BMP2K: variants seen among roughly 807,000 people sequenced by gnomAD.
BMP2K encodes BMP-2-inducible protein kinase.
In BMP2K, 74 loss-of-function variants were observed where a neutral mutation model predicts 116.0. The ratio of observed to expected loss-of-function variants is 0.64; its 90% CI spans 0.53 to 0.77. The LOEUF is 0.77. Among genes scored for constraint, BMP2K ranks in the 30% least tolerant of loss-of-function variants. The pLI is 0.00. For missense variants in BMP2K, 1,365 were observed against 1,403.6 expected (o/e 0.97, Z 0.44); for synonymous variants, 486 against 502.5 (o/e 0.97, Z 0.44).
intron 1 of BMP2K, among the ~76,000 whole-genome samples, chr4:78,807,793 C>G (rs1004231346): frequency 6.6e-6 from 1 of 151,856 alleles, no homozygotes. Context: ...AATTTGTTGG[C>G]ATAAAATTAT....
chr4:78,826,109 A>C lies in BMP2K; in HGVS notation c.251A>C (p.Asn84Thr). 6.2e-7 allele frequency: 1 copy of C among 1,614,200 alleles called. No homozygotes were observed. Among genetic ancestry groups the C allele is most frequent in the Non-Finnish European group, 8.5e-7 (1 of 1,180,004 alleles). ...IRCALKRMYV[N>T]NMPDLNVCKR... The stretch of plus-strand genomic sequence containing the variant: ...TGTGCATTGAAGCGAATGTATGTCA[A>C]TAACATGCCAGACCTCAATGTTTGT... The change falls in exon 2 of 16, where the codon AAT (asparagine) becomes ACT (threonine). Residue 84 changes from asparagine to threonine, a missense_variant. By Grantham distance (65) the Asn-to-Thr change is moderately conservative (BLOSUM62 0). Coordinates refer to ENST00000502613, the MANE Select transcript of BMP2K (RefSeq NM_198892.2).
At chr4:78,907,256 A>G (rs1734332051) in intron 15 of BMP2K, among the ~76,000 whole-genome samples, 1 of 152,226 alleles carries the variant, frequency 6.6e-6, no homozygotes, top group South Asian at 2.1e-4. Flanking sequence ...GTGTATTTCT[A>G]TTAATACAAC....
At chr4:78,825,991 A>T in intron 1 of BMP2K, 46 bp from the exon 2 acceptor site, 1 of 1,382,394 alleles carries the variant, frequency 7.2e-7, no homozygotes, top group Non-Finnish European at 1.0e-6. Flanking sequence ...TGATTTTGGC[A>T]TTTGTTTTTG....
chr4:78,873,511 G>A (rs1426157728), intron 13 of BMP2K, among the ~76,000 whole-genome samples: 1 of 152,192 alleles, frequency 6.6e-6, no homozygotes, highest in Non-Finnish European at 1.5e-5. Context: ...TGCTGTTTAA[G>A]GATTTGAAAC....
chr4:78,876,988 G>A (rs1444866234), intron 13 of BMP2K, among the ~76,000 whole-genome samples: 1 of 151,914 alleles, frequency 6.6e-6, no homozygotes, highest in Non-Finnish European at 1.5e-5. Flanking sequence ...GTAACAGAAT[G>A]GTAAGTATTT....
chr4:78,807,716 A>T (rs144204131), intron 1 of BMP2K, among the ~76,000 whole-genome samples: 1 of 150,884 alleles, frequency 6.6e-6, no homozygotes, highest in African/African-American at 2.4e-5. Flanking sequence ...AAAATTATTA[A>T]CCCTATAATT....
At chr4:78,800,969 C>A (rs566100432) in intron 1 of BMP2K, among the ~76,000 whole-genome samples, 1 of 152,230 alleles carries the variant, frequency 6.6e-6, no homozygotes, top group South Asian at 2.1e-4. Context: ...ATTTTCTGTT[C>A]ACCCTAATAG....
Position 78,776,646 on chromosome 4 carries a change from G to A in BMP2K, c.103G>A (p.Gly35Ser). 5 of 1,222,696 alleles carry A rather than the reference G, an allele frequency of 4.1e-6. No homozygotes were observed. Among genetic ancestry groups the A allele is most frequent in the Non-Finnish European group, 5.1e-6 (5 of 978,072 alleles). The allele number at this position is 1,222,696 out of a possible 1,614,324, so 75.7% of individuals were successfully genotyped here. A position where few individuals can be genotyped will look rare whatever the true frequency, so the allele number is the denominator to read the frequency against. The change falls in exon 1 of 16, where the codon GGC (glycine) becomes AGC (serine). Residue 35 changes from glycine (G) to serine (S), a missense_variant. Physicochemically the swap from Gly to Ser is moderately conservative, Grantham distance 56 (BLOSUM62 0). Transcript: ENST00000502613. ...CGGGGCCGGGGCCGGCTGCGGCTCC[G>A]GCGGCTCGTCCGTGGGGGTCCGGGT... is the stretch of plus-strand genomic sequence containing the variant. ...GAGAGAGCGS[G>S]GSSVGVRVFA...
At chr4:78,784,242 T>A (rs1727635691) in intron 1 of BMP2K, among the ~76,000 whole-genome samples, 1 of 152,238 alleles carries the variant, frequency 6.6e-6, no homozygotes, top group African/African-American at 2.4e-5. Flanking sequence ...TCAAAATGAT[T>A]AAAGCCTTGA....
chr4:78,784,278 T>C (rs1025024833), intron 1 of BMP2K, among the ~76,000 whole-genome samples: 2 of 152,244 alleles, frequency 1.3e-5, no homozygotes, highest in African/African-American at 2.4e-5. Flanking sequence ...TTAAGAGTCT[T>C]GAACTACCAT....
At chr4:78,810,256 C>A (rs1160604555) in intron 1 of BMP2K, among the ~76,000 whole-genome samples, 1 of 152,112 alleles carries the variant, frequency 6.6e-6, no homozygotes, top group African/African-American at 2.4e-5. Flanking sequence ...TTTTGCAGAG[C>A]CTTAAAGACA....
chr4:78,887,123 A>T (rs1733136357), intron 14 of BMP2K, 51 bp from the exon 15 acceptor site: 1 of 1,273,620 alleles, frequency 7.9e-7, no homozygotes, highest in East Asian at 2.5e-5. Context: ...TAATTTAAAG[A>T]TCATTTTTAT....
intron 1 of BMP2K, chr4:78,820,652 A>G (rs958556837): frequency 1.3e-5 from 2 of 152,510 alleles, no homozygotes; most frequent in South Asian, 4.2e-4. Flanking sequence ...GCTCACTGCA[A>G]CCTCTGCCTC....
chr4:78,840,283 T>G (rs1730695722), intron 3 of BMP2K, among the ~76,000 whole-genome samples: 1 of 152,114 alleles, frequency 6.6e-6, no homozygotes, highest in Non-Finnish European at 1.5e-5. Flanking sequence ...TTATTTTATT[T>G]TATTTTTATT....
Position 78,905,361 on chromosome 4 carries a change from C to A in BMP2K, c.2063-5249C>A, listed in dbSNP as rs552008254. On this transcript the variant is annotated intron_variant, in intron 15 of 15. Coordinates refer to ENST00000502613, the MANE Select transcript of BMP2K (RefSeq NM_198892.2). ...AAATAAAGAATATCTTGACTAGAAA[C>A]CATCAAAATATCATTCTACCATATT... Among the ~76,000 whole-genome samples, 3 of 151,720 alleles carry A rather than the reference C, an allele frequency of 2.0e-5. No individual in the cohort carries two copies. In the South Asian group the frequency reaches 6.2e-4, roughly 31 times the overall value.
chr4:78,881,376 G>A (rs1374608140), intron 14 of BMP2K, among the ~76,000 whole-genome samples: 1 of 152,112 alleles, frequency 6.6e-6, no homozygotes, highest in Non-Finnish European at 1.5e-5. Flanking sequence ...AGTGACAAAT[G>A]ATAGCAAGGA....
At chr4:78,878,060 T>C (rs894949844) in intron 13 of BMP2K, among the ~76,000 whole-genome samples, 7 of 152,202 alleles carry the variant, frequency 4.6e-5, no homozygotes, top group Non-Finnish European at 1.0e-4. Flanking sequence ...ATAATTTTCA[T>C]AGAACCAGTG....
At chr4:78,826,936 C>G (rs1729901485) in intron 2 of BMP2K, among the ~76,000 whole-genome samples, 1 of 152,154 alleles carries the variant, frequency 6.6e-6, no homozygotes, top group Admixed American at 6.5e-5. Context: ...AACTGTATCC[C>G]TGTATAGGCA....
intron 7 of BMP2K, among the ~76,000 whole-genome samples, chr4:78,854,167 T>A (rs1426925335): frequency 6.6e-6 from 1 of 150,830 alleles, no homozygotes; most frequent in African/African-American, 2.4e-5. Flanking sequence ...TAAAAGCTTT[T>A]TTTTTTTTTT....
Sources: gnomAD v4.1 joint callset for allele counts (sites outside exome capture counted in the v4.1 genomes callset) on GRCh38, gnomAD v4.1.1 for gene constraint, MANE v1.5 for transcripts, NCBI Gene and HGNC (gene_info 2026-07-23, HGNC 2026-07-21) for gene names.